MAST3: variants seen among roughly 807,000 people sequenced by gnomAD.
The protein encoded by MAST3 is microtubule-associated serine/threonine-protein kinase 3.
Under a neutral mutation model 127.0 loss-of-function variants are expected in MAST3, and 43 were observed. That is an observed-to-expected ratio of 0.34 (90% CI 0.27 to 0.44). The LOEUF is 0.44. MAST3 is among the 20% of genes least tolerant of loss of function. The pLI is 1.00. For synonymous variants in MAST3, 785 were observed against 809.2 expected (o/e 0.97, Z 0.51); for missense variants, 1,390 against 1,919.1 (o/e 0.72, Z 5.15).
intron 3 of MAST3, chr19:18,118,039 C>T (rs922032986): frequency 5.3e-5 from 47 of 887,182 alleles, no homozygotes; most frequent in Middle Eastern, 1.1e-3. Context: ...TTCTCGCCGC[C>T]CCCCCATCCC....
intron 1 of MAST3, among the ~76,000 whole-genome samples, chr19:18,107,243 G>A (rs1004934581): frequency 2.6e-5 from 4 of 152,000 alleles, no homozygotes; most frequent in Non-Finnish European, 4.4e-5. Flanking sequence ...GATCACAGGT[G>A]TGAGCCACCG....
intron 13 of MAST3, 144 bp downstream of exon 13, chr19:18,129,095 G>A: frequency 2.8e-6 from 2 of 710,830 alleles, no homozygotes; most frequent in Admixed American, 4.7e-5. Flanking sequence ...CTGAGGACTG[G>A]AGGGGGAAGT....
chr19:18,124,268 C>T lies in MAST3; in HGVS notation c.847C>T (p.His283Tyr). Residue 283 changes from histidine to tyrosine, a missense_variant, in exon 10 of 28, where the codon CAT becomes TAT. Physicochemically the swap from His to Tyr is moderately conservative, Grantham distance 83. Around this residue, in one of 5 missense-constraint regions of MAST3, gnomAD observed 277 missense variants for 384.8 expected, o/e 0.72. Coordinates refer to ENST00000687212, the MANE Select transcript of MAST3 (RefSeq NM_001393504.1). ...TGCCACGACCCACCTCCCCCAGGCCCATGAGCGTTCGGACAGTGAGGAGGT... is the reference window on the plus strand; with the variant it reads ...TGCCACGACCCACCTCCCCCAGGCCTATGAGCGTTCGGACAGTGAGGAGGT... Reference protein sequence around the residue: ...EKLERLLQDAHERSDSEEVSF... With the variant: ...EKLERLLQDAYERSDSEEVSF... The T allele has an allele frequency of 6.2e-7, 1 of 1,605,464 alleles. No homozygotes were observed. Among genetic ancestry groups the T allele is most frequent in the Non-Finnish European group, 8.5e-7 (1 of 1,175,838 alleles).
At chr19:18,101,812 G>A (rs935135573) in intron 1 of MAST3, among the ~76,000 whole-genome samples, 7 of 148,742 alleles carry the variant, frequency 4.7e-5, no homozygotes, top group East Asian at 2.0e-4. Flanking sequence ...CACCACACCC[G>A]ACTAATATAA....
At position 18,150,893 on chromosome 19, in the gene MAST3, G is replaced by A. The variant is rs1402778954; in HGVS notation, c.*1167G>A. On this transcript the variant is annotated 3_prime_UTR_variant, in exon 28 of 28. Coordinates refer to ENST00000687212, the MANE Select transcript of MAST3 (RefSeq NM_001393504.1). The stretch of plus-strand genomic sequence containing the variant: ...CTCGGCTGTCTCGGGGCACGCTCCA[G>A]TATGCCAGTCCTGCGGGATTACGTC... The A allele has an allele frequency of 6.6e-6, 1 of 152,352 alleles. No individual in the cohort carries two copies. The highest frequency in any genetic ancestry group is 2.4e-5 in the African/African-American group (1 of 41,470). The allele number at this position is 152,352 out of a possible 1,614,324, so 9.4% of individuals were successfully genotyped here. A position where few individuals can be genotyped will look rare whatever the true frequency, so the allele number is the denominator to read the frequency against.
chr19:18,146,399 C>T (rs976066909), intron 25 of MAST3, among the ~76,000 whole-genome samples: 1 of 152,136 alleles, frequency 6.6e-6, no homozygotes, highest in African/African-American at 2.4e-5. Context: ...GAGCTGTGAT[C>T]GTGCCATACT....
Position 18,145,210 on chromosome 19 carries a change from C to T in MAST3, c.3020C>T (p.Thr1007Ile), listed in dbSNP as rs755238484. 4 of 1,613,864 alleles carry T rather than the reference C, an allele frequency of 2.5e-6. No individual in the cohort carries two copies. The South Asian group carries it at 3.3e-5, about 13-fold the overall frequency. ...RVYMGDSDVYTVHHVVWSVED... is the reference protein window; with the variant it reads ...RVYMGDSDVYIVHHVVWSVED... Reference sequence around the variant, plus strand: ...TACATGGGTGATAGCGACGTCTACACTGTGCACCACGTCGTCTGGGTGAGT... The same window carrying T: ...TACATGGGTGATAGCGACGTCTACATTGTGCACCACGTCGTCTGGGTGAGT... The change falls in exon 24 of 28, where the codon ACT (threonine) becomes ATT (isoleucine). Residue 1007 changes from threonine to isoleucine, a missense_variant. Thr to Ile is a moderately conservative substitution (Grantham distance 89, BLOSUM62 -1). Transcript: ENST00000687212. This position sits in a 1 kb window ranked among gnomAD's most constrained non-coding sequence, Gnocchi z 5.9.
intron 1 of MAST3, among the ~76,000 whole-genome samples, chr19:18,102,405 C>T (rs1319045645): frequency 6.6e-6 from 1 of 151,322 alleles, no homozygotes; most frequent in Non-Finnish European, 1.5e-5. Context: ...TCTCGAACTC[C>T]TGACCTCAGG....
In MAST3 at chr19:18,097,843, G is replaced by T. The variant is rs909109157; in HGVS notation, c.39+12G>T. ...GCCGCGGGCTCCAGGTGAGGCCCCT[G>T]CGCGGGCGGGCGGAAGGCAGAGGGC... On this transcript the variant is annotated intron_variant, in intron 1 of 27. Transcript: ENST00000687212. 3 of 1,227,944 alleles carry T rather than the reference G, an allele frequency of 2.4e-6. No individual in the cohort carries two copies. In the South Asian group the frequency reaches 1.2e-4, roughly 50 times the overall value. The allele number at this position is 1,227,944 out of a possible 1,614,324, so 76.1% of individuals were successfully genotyped here.
In MAST3 at chr19:18,102,945, G is replaced by T. The variant is rs536838208; in HGVS notation, c.40-4642G>T. Among the ~76,000 whole-genome samples, 10 of 152,260 alleles carry T rather than the reference G, an allele frequency of 6.6e-5. No homozygotes were observed. In the South Asian group the frequency reaches 2.1e-3, roughly 32 times the overall value. The stretch of plus-strand genomic sequence containing the variant: ...CCAAAATGGGATTTCCTCAAGGTGG[G>T]GCTAAAGCTTGTTGGGGAGGCAGCA... On this transcript the variant is annotated intron_variant, in intron 1 of 27. Coordinates refer to ENST00000687212, the MANE Select transcript of MAST3 (RefSeq NM_001393504.1).
In MAST3 at chr19:18,140,020, C is replaced by T. The variant is rs555389693; in HGVS notation, c.2205+896C>T. 1.0e-3 allele frequency among the ~76,000 whole-genome samples: 153 copies of T among 150,920 alleles called. 1 individual carries two copies. Among genetic ancestry groups the T allele is most frequent in the African/African-American group, 3.3e-3 (136 of 41,160 alleles). On this transcript the variant is annotated intron_variant, in intron 20 of 27. Transcript: ENST00000687212. ...ATTTTCAGTAGAGACGGGGTTTCACCGTGTTAGCCAGGATGGTCTCGATCT... is the reference window on the plus strand; with the variant it reads ...ATTTTCAGTAGAGACGGGGTTTCACTGTGTTAGCCAGGATGGTCTCGATCT...
At chr19:18,097,914 C>A in intron 1 of MAST3, 83 bp downstream of exon 1, 1 of 1,092,500 alleles carries the variant, frequency 9.2e-7, no homozygotes, top group Non-Finnish European at 1.2e-6. Flanking sequence ...GGGGCGGGGC[C>A]TTCACGGGCT....
intron 15 of MAST3, 34 bp downstream of exon 15, chr19:18,132,081 AGGGCGGGGCCAGAGAGGATCAG>A (rs763641026): frequency 1.7e-5 from 28 of 1,611,710 alleles, no homozygotes; most frequent in Non-Finnish European, 2.2e-5. Flanking sequence ...GGCCTCGCGG[AGGGCGGGGCCAGAGAGGATCAG>A]GGGCGGGGCC....
chr19:18,121,906 T>A lies in MAST3; in HGVS notation c.304T>A (p.Phe102Ile), dbSNP rs2147173574. 1 of 1,613,974 alleles carries A rather than the reference T, an allele frequency of 6.2e-7. No homozygotes were observed. Among genetic ancestry groups the A allele is most frequent in the Non-Finnish European group, 8.5e-7 (1 of 1,179,880 alleles). Residue 102 changes from phenylalanine to isoleucine, a missense_variant, in exon 5 of 28, where the codon TTC becomes ATC. Physicochemically the swap from Phe to Ile is conservative, Grantham distance 21. This residue lies in a region of MAST3 where 45 missense variants were observed against 113.0 expected (regional missense o/e 0.40). Coordinates refer to ENST00000687212, the MANE Select transcript of MAST3 (RefSeq NM_001393504.1). ...RNFSAASALN[F>I]PFARRADGRR... ...TTTCTCGGCTGCCTCTGCCCTAAAT[T>A]TCCCCTTTGCCCGGAGGTGAGTGAT...
At chr19:18,139,920 C>T (rs2042277641) in intron 20 of MAST3, among the ~76,000 whole-genome samples, 2 of 145,878 alleles carry the variant, frequency 1.4e-5, no homozygotes, top group Admixed American at 1.4e-4. Flanking sequence ...CCCGGGTTCA[C>T]GCCATTCTCC....
rs771512310 is a variant in MAST3 at position 18,144,689 on chromosome 19, G to A, written c.2808G>A (p.Thr936=). ...TCTCTGCCCTGTCCCTCATCATCAC[G>A]GCAGGTAATGCCCAAGGCCCCTCTC... ...ASVSALSLII[T]ADDGSGGPLM... The change falls in exon 23 of 28, where the codon ACG becomes ACA. Residue 936 remains threonine (T), a synonymous_variant. Coordinates refer to ENST00000687212, the MANE Select transcript of MAST3 (RefSeq NM_001393504.1). The surrounding 1 kb of genome is among the most constrained non-coding windows in gnomAD (Gnocchi z 4.0). 1.4e-5 allele frequency: 23 copies of A among 1,606,902 alleles called. No homozygotes were observed. In the Admixed American group the frequency reaches 2.2e-4, roughly 15 times the overall value.
chr19:18,122,923 A>G (rs1210877173), intron 6 of MAST3, among the ~76,000 whole-genome samples, 172 bp downstream of exon 6: 1 of 152,250 alleles, frequency 6.6e-6, no homozygotes, highest in Non-Finnish European at 1.5e-5. Flanking sequence ...GAGAAGACCC[A>G]GCCTTGGCCC....
intron 20 of MAST3, among the ~76,000 whole-genome samples, chr19:18,140,006 A>T (rs2042287161): frequency 6.7e-6 from 1 of 149,388 alleles, no homozygotes. Flanking sequence ...TTTTCAGTAG[A>T]GACGGGGTTT....
intron 15 of MAST3, among the ~76,000 whole-genome samples, chr19:18,134,168 A>T (rs1370385217): frequency 2.0e-5 from 3 of 152,008 alleles, no homozygotes; most frequent in Non-Finnish European, 4.4e-5. Flanking sequence ...CAGGAGTTCA[A>T]GACCAGCCTG....
Sources: gnomAD v4.1 joint callset for allele counts (sites outside exome capture counted in the v4.1 genomes callset) on GRCh38, gnomAD v4.1.1 for gene constraint, gnomAD v4.1.1 regional missense constraint, Gnocchi (gnomAD v3.1) non-coding constraint, MANE v1.5 for transcripts, NCBI Gene and HGNC (gene_info 2026-07-23, HGNC 2026-07-21) for gene names.